ELMO1: variants seen among roughly 807,000 people sequenced by gnomAD.
ELMO1 encodes the protein engulfment and cell motility 1.
Under a neutral mutation model 98.9 loss-of-function variants are expected in ELMO1, and 26 were observed. The observed-to-expected ratio is 0.26, with a 90% CI of 0.19 to 0.36. ELMO1 has a LOEUF of 0.36. ELMO1 is among the 10% of genes least tolerant of loss of function. The pLI is 1.00. For missense variants in ELMO1, 627 were observed against 935.2 expected (o/e 0.67, Z 4.30); for synonymous variants, 346 against 346.0 (o/e 1.00, Z 0.00).
At chr7:37,203,281 T>C (rs186868249) in intron 13 of ELMO1, among the ~76,000 whole-genome samples, 12 of 152,308 alleles carry the variant, frequency 7.9e-5, no homozygotes, top group Middle Eastern at 6.8e-3. Context: ...CATTCTCCCG[T>C]TAGTATTGGG....
chr7:37,287,851 A>G (rs1797472442), intron 4 of ELMO1, among the ~76,000 whole-genome samples: 1 of 152,140 alleles, frequency 6.6e-6, no homozygotes, highest in South Asian at 2.1e-4. Flanking sequence ...TAACACACCA[A>G]GCTCTTTCAT....
chr7:37,034,674 C>A (rs955144404), intron 15 of ELMO1, among the ~76,000 whole-genome samples: 1 of 152,018 alleles, frequency 6.6e-6, no homozygotes, highest in African/African-American at 2.4e-5. Flanking sequence ...CCTTATGACT[C>A]CCTGATCTAG....
intron 16 of ELMO1, among the ~76,000 whole-genome samples, chr7:36,914,040 T>C (rs1429578541): frequency 6.6e-6 from 1 of 152,230 alleles, no homozygotes; most frequent in Non-Finnish European, 1.5e-5. Context: ...TGCTGGGGCT[T>C]TGACTGAAAC....
chr7:36,908,637 T>A (rs542401440), intron 16 of ELMO1, among the ~76,000 whole-genome samples: 1 of 152,202 alleles, frequency 6.6e-6, no homozygotes, highest in East Asian at 1.9e-4. Context: ...CAAAAATAAA[T>A]AAATTTTAAA....
Position 37,293,352 on chromosome 7 carries a change from CT to C in ELMO1, c.193-21471del, listed in dbSNP as rs1353111425. Among the ~76,000 whole-genome samples, 10 of 110,446 alleles carry C rather than the reference CT, an allele frequency of 9.1e-5. No individual in the cohort carries two copies. The South Asian group carries it at 2.9e-3, about 32-fold the overall frequency. 72.5% of individuals were successfully genotyped at this position (110,446 alleles called of 152,430 possible). The stretch of plus-strand genomic sequence containing the variant: ...TGTAGAAAGAGGTAGACATGGGAGA[CT>C]TTTCATTTTGTTCTGTACTAAGAAA... On this transcript the variant is annotated intron_variant, in intron 4 of 21. Transcript: ENST00000310758.
chr7:37,181,342 C>A (rs533712358), intron 13 of ELMO1, among the ~76,000 whole-genome samples: 1 of 152,056 alleles, frequency 6.6e-6, no homozygotes, highest in South Asian at 2.1e-4. Flanking sequence ...GGAGGATGCC[C>A]GCCTCATCCC....
At chr7:37,328,383 CAAAAAAA>C (rs10669717) in intron 2 of ELMO1, among the ~76,000 whole-genome samples, 8,434 of 65,106 alleles carry the variant, frequency 0.13, 519 homozygotes, top group East Asian at 0.38. Context: ...GACCCTGCCA[CAAAAAAA>C]AAAAAAAAAA....
intron 6 of ELMO1, among the ~76,000 whole-genome samples, chr7:37,250,551 G>A (rs925214805): frequency 1.3e-5 from 2 of 152,050 alleles, no homozygotes; most frequent in Non-Finnish European, 1.5e-5. Flanking sequence ...CAAGCACTTT[G>A]GGAGGCCGAG....
intron 5 of ELMO1, among the ~76,000 whole-genome samples, chr7:37,262,556 C>T (rs1796027828): frequency 6.6e-6 from 1 of 152,186 alleles, no homozygotes; most frequent in African/African-American, 2.4e-5. Context: ...TTAACTATCC[C>T]CACAGGCCTT....
intron 15 of ELMO1, among the ~76,000 whole-genome samples, chr7:37,021,246 G>A (rs1794249454): frequency 6.6e-6 from 1 of 152,098 alleles, no homozygotes; most frequent in Non-Finnish European, 1.5e-5. Flanking sequence ...TACCACCCCT[G>A]CTATTTCAGG....
chr7:37,169,151 G>A (rs533553460), intron 13 of ELMO1, among the ~76,000 whole-genome samples: 26 of 152,292 alleles, frequency 1.7e-4, no homozygotes, highest in Admixed American at 6.5e-5. Context: ...AGCCAGGTGC[G>A]GGATATAATC....
chr7:36,912,849 G>A (rs1284627664), intron 16 of ELMO1, among the ~76,000 whole-genome samples: 2 of 152,288 alleles, frequency 1.3e-5, no homozygotes, highest in African/African-American at 2.4e-5. Context: ...ATAAGTGAAA[G>A]TGTTGAAAAG....
At chr7:37,229,162 G>C (rs369951901) in intron 8 of ELMO1, among the ~76,000 whole-genome samples, 6 of 152,118 alleles carry the variant, frequency 3.9e-5, no homozygotes, top group African/African-American at 4.8e-5. Flanking sequence ...AAACATTTGC[G>C]GGGTAAGCCA....
At chr7:36,973,932 C>T (rs1459996531) in intron 16 of ELMO1, among the ~76,000 whole-genome samples, 4 of 152,238 alleles carry the variant, frequency 2.6e-5, no homozygotes, top group African/African-American at 9.6e-5. Flanking sequence ...GCCAGCCCAC[C>T]GGCGCTGAGC....
intron 13 of ELMO1, among the ~76,000 whole-genome samples, chr7:37,162,976 T>C (rs1230043770): frequency 6.6e-6 from 1 of 152,208 alleles, no homozygotes; most frequent in Non-Finnish European, 1.5e-5. Context: ...TCAGGTTTAT[T>C]TATTTTAAAA....
intron 6 of ELMO1, among the ~76,000 whole-genome samples, chr7:37,245,502 A>G (rs1650348824): frequency 6.6e-6 from 1 of 152,226 alleles, no homozygotes. Context: ...TGGGAGGGGG[A>G]TTAAAAATGC....
chr7:37,233,003 G>A, intron 8 of ELMO1, 92 bp downstream of exon 8: 3 of 1,137,916 alleles, frequency 2.6e-6, no homozygotes, highest in African/African-American at 1.6e-5. Flanking sequence ...AAGAACTAAA[G>A]GAAAGACAAT....
At chr7:37,051,986 G>A (rs1161159786) in intron 15 of ELMO1, among the ~76,000 whole-genome samples, 1 of 152,132 alleles carries the variant, frequency 6.6e-6, no homozygotes, top group Non-Finnish European at 1.5e-5. Context: ...AAACAGCAGA[G>A]GTTCTCAGAC....
intron 5 of ELMO1, among the ~76,000 whole-genome samples, chr7:37,262,398 A>G (rs759481): frequency 0.32 from 48,522 of 152,034 alleles, 7,839 homozygotes; most frequent in Middle Eastern, 0.43. Flanking sequence ...CACTCCCAGT[A>G]ATAGCAGTAA....
Sources: allele counts gnomAD v4.1 joint callset (sites outside exome capture counted in the v4.1 genomes callset), GRCh38; gene constraint gnomAD v4.1.1; transcripts MANE v1.5; gene names NCBI Gene and HGNC (gene_info 2026-07-23, HGNC 2026-07-21).